The following NUP214 variants were observed in gnomAD, a reference collection of about 807,000 sequenced individuals.
NUP214 encodes nuclear pore complex protein Nup214.
Under a neutral mutation model 196.2 loss-of-function variants are expected in NUP214, and 79 were observed. That is an observed-to-expected ratio of 0.40 (90% confidence interval 0.34 to 0.49). The LOEUF is 0.49. Ranked by LOEUF, NUP214 falls within the 20% of genes least tolerant of loss-of-function variation. The probability of loss-of-function intolerance (pLI) is 0.58; values close to 1 mark genes in which losing one functional copy is unlikely to be tolerated. For missense variants in NUP214, 2,468 were observed against 2,539.0 expected, an observed-to-expected ratio of 0.97 and a Z score of 0.60; for synonymous variants, 1,020 against 990.5, an observed-to-expected ratio of 1.03 and a Z score of -0.56.
At chr9:131,174,523 A>G (rs1055687769) in intron 22 of NUP214, among the ~76,000 whole-genome samples, 12 of 132,114 alleles carry the variant, frequency 9.1e-5, no homozygotes, top group African/African-American at 2.9e-4. Flanking sequence ...ATCTAGGCTC[A>G]CTGCAACATC....
chr9:131,130,137 G>GTTTTGTTTTTTTTTTTTTTTTTTT (rs1564176236), intron 4 of NUP214, among the ~76,000 whole-genome samples: 4 of 76,894 alleles, frequency 5.2e-5, no homozygotes, highest in Non-Finnish European at 6.9e-5. Flanking sequence ...TTCTGGTTTT[G>GTTTTGTTTTTTTTTTTTTTTTTTT]TTTTTTTTTT....
chr9:131,134,865 T>G (rs780704443), intron 7 of NUP214, 33 bp from the exon 8 acceptor site: 20 of 1,453,058 alleles, frequency 1.4e-5, no homozygotes, highest in Non-Finnish European at 1.9e-5. Flanking sequence ...AAATTGCACA[T>G]GAGAATTTTT....
At chr9:131,225,564 A>G (rs975143293) in intron 32 of NUP214, among the ~76,000 whole-genome samples, 4 of 152,250 alleles carry the variant, frequency 2.6e-5, no homozygotes, top group African/African-American at 7.2e-5. Context: ...TCTTTCAGAT[A>G]CATAAGATGA....
intron 7 of NUP214, among the ~76,000 whole-genome samples, chr9:131,133,968 AC>A (rs1458386827): frequency 2.0e-5 from 3 of 152,042 alleles, no homozygotes; most frequent in Admixed American, 1.3e-4. Flanking sequence ...TTTTTTAGAG[AC>A]AGAATCTCAC....
rs368794563 is a variant in NUP214, at chr9:131,163,899, A to G, written c.2753A>G (p.Asn918Ser). ...SFDSDLESLC[N>S]ALLKTTIESH... Reference sequence around the variant, plus strand: ...GACAGTGACCTGGAAAGCCTGTGCAATGCTTTGTTGAAAACCACCATAGAA... The same window carrying G: ...GACAGTGACCTGGAAAGCCTGTGCAGTGCTTTGTTGAAAACCACCATAGAA... The change falls in exon 20 of 36, where the codon AAT (asparagine) becomes AGT (serine). Residue 918 changes from asparagine (N) to serine (S), a missense_variant. Transcript: ENST00000359428. 1.2e-5 allele frequency: 19 copies of G among 1,614,020 alleles called. No individual in the cohort carries two copies. Among genetic ancestry groups the G allele is most frequent in the Non-Finnish European group, 1.5e-5 (18 of 1,180,038 alleles).
Position 131,198,699 on chromosome 9 carries a change from G to T in NUP214, c.5205G>T (p.Ser1735=). The part of the protein sequence containing the change: ...TFGQASVFGQ[S]ASSAASVFSF... ...GGCAGGCCTCAGTCTTTGGGCAGTC[G>T]GCGAGCAGTGCTGCAAGTGTCTTTT... is the stretch of plus-strand genomic sequence containing the variant. The change falls in exon 29 of 36, where the codon TCG becomes TCT. Residue 1735 remains serine (S), a synonymous_variant. Coordinates refer to ENST00000359428, the MANE Select transcript of NUP214 (RefSeq NM_005085.4). The T allele has an allele frequency of 1.2e-6, 2 of 1,614,184 alleles. No individual in the cohort carries two copies. The highest frequency in any genetic ancestry group is 2.2e-5 in the South Asian group (2 of 91,084).
chr9:131,185,147 A>G (rs895956066), intron 24 of NUP214, among the ~76,000 whole-genome samples: 1 of 152,244 alleles, frequency 6.6e-6, no homozygotes, highest in African/African-American at 2.4e-5. Flanking sequence ...GGAGGGATCA[A>G]TAGCAAAGGG....
At chr9:131,226,132 T>C (rs1002693091) in intron 32 of NUP214, among the ~76,000 whole-genome samples, 6 of 152,194 alleles carry the variant, frequency 3.9e-5, no homozygotes, top group Admixed American at 2.6e-4. Flanking sequence ...TCTCTAAGTC[T>C]CAGTTTCCTC....
rs113335988 is a variant in NUP214 at position 131,143,217 on chromosome 9, C to T, written c.1295-1063C>T. On this transcript the variant is annotated intron_variant, in intron 11 of 35. Coordinates refer to ENST00000359428, the MANE Select transcript of NUP214 (RefSeq NM_005085.4). Reference sequence around the variant, plus strand: ...AGCAACAGGGTCTCACTTTGTTCCCCAGGCTGGTCTCAAACTCCTGGACTC... The same window carrying T: ...AGCAACAGGGTCTCACTTTGTTCCCTAGGCTGGTCTCAAACTCCTGGACTC... Among the ~76,000 whole-genome samples the T allele has an allele frequency of 3.9e-3, 588 of 152,244 alleles. 5 individuals carry two copies. The highest frequency in any genetic ancestry group is 0.013 in the African/African-American group (556 of 41,550).
At chr9:131,156,202 G>A (rs1238546219) in intron 17 of NUP214, among the ~76,000 whole-genome samples, 1 of 147,680 alleles carries the variant, frequency 6.8e-6, no homozygotes, top group Non-Finnish European at 1.5e-5. Context: ...GCACGATCTC[G>A]GCTCACTGCA....
chr9:131,149,142 C>A (rs1417771890), intron 14 of NUP214, among the ~76,000 whole-genome samples: 1 of 136,118 alleles, frequency 7.3e-6, no homozygotes. Flanking sequence ...GTCCCTCTAA[C>A]CAACCCTTGT....
intron 30 of NUP214, among the ~76,000 whole-genome samples, chr9:131,203,097 C>T (rs1833984177): frequency 6.6e-6 from 1 of 151,944 alleles, no homozygotes. Context: ...AGGTGCCCAC[C>T]ACCGCACCCA....
At chr9:131,131,403 A>ACCC (rs1421442182) in intron 5 of NUP214, among the ~76,000 whole-genome samples, 1 of 152,164 alleles carries the variant, frequency 6.6e-6, no homozygotes, top group African/African-American at 2.4e-5. Flanking sequence ...GTTGCAAGGA[A>ACCC]CCCCCATATG....
intron 10 of NUP214, 99 bp from the exon 11 acceptor site, chr9:131,140,449 AG>A: frequency 1.1e-6 from 1 of 927,810 alleles, no homozygotes; most frequent in Non-Finnish European, 1.6e-6. Flanking sequence ...TATTCAGATG[AG>A]TCCCTTAAAC....
chr9:131,179,366 C>A (rs983832906), intron 24 of NUP214, among the ~76,000 whole-genome samples: 4 of 152,160 alleles, frequency 2.6e-5, no homozygotes, highest in African/African-American at 9.7e-5. Context: ...CTCCCGCTGC[C>A]CTGGGCAGGT....
chr9:131,163,748 C>T (rs921961118), intron 19 of NUP214, 122 bp from the exon 20 acceptor site: 9 of 714,498 alleles, frequency 1.3e-5, no homozygotes, highest in Non-Finnish European at 2.2e-5. Context: ...GGTCAGATGG[C>T]ATGTTTATAT....
At position 131,232,377 on chromosome 9, in the gene NUP214, T is replaced by G; in HGVS notation, c.6239+69T>G. The G allele has an allele frequency of 6.8e-7, 1 of 1,462,632 alleles. No homozygotes were observed. Among genetic ancestry groups the G allele is most frequent in the Non-Finnish European group, 9.6e-7 (1 of 1,041,676 alleles). The allele number at this position is 1,462,632 out of a possible 1,614,324, so 90.6% of individuals were successfully genotyped here. On this transcript the variant is annotated intron_variant, in intron 35 of 35. Coordinates refer to ENST00000359428, the MANE Select transcript of NUP214 (RefSeq NM_005085.4). This position sits in a 1 kb window ranked among gnomAD's most constrained non-coding sequence, Gnocchi z 5.1. ...AAATAAGGTTGGAAGTGTGTGGATC[T>G]TGCTGGATTTGTGCATTTTCTTTTC...
At position 131,234,282 on chromosome 9, in the gene NUP214, G is replaced by A; in HGVS notation, c.*795G>A. On this transcript the variant is annotated 3_prime_UTR_variant, in exon 36 of 36. Transcript: ENST00000359428. ...CTACCCAGTGTCTACTAACCACAGT[G>A]CAGATAGCCCTTGGGTAGACCCAGG... is the stretch of plus-strand genomic sequence containing the variant. 4.3e-6 allele frequency: 1 copy of A among 232,838 alleles called. No individual in the cohort carries two copies. The highest frequency in any genetic ancestry group is 1.8e-4 in the South Asian group (1 of 5,530). 14.4% of individuals were successfully genotyped at this position (232,838 alleles called of 1,614,324 possible).
At chr9:131,184,398 A>G (rs991952417) in intron 24 of NUP214, among the ~76,000 whole-genome samples, 38 of 150,518 alleles carry the variant, frequency 2.5e-4, no homozygotes, top group South Asian at 6.3e-4. Flanking sequence ...CAGTGGCACA[A>G]TCTTGGCTCA....
Sources: allele counts gnomAD v4.1 joint callset (sites outside exome capture counted in the v4.1 genomes callset), GRCh38; gene constraint gnomAD v4.1.1; non-coding constraint Gnocchi (gnomAD v3.1); transcripts MANE v1.5; gene names NCBI Gene and HGNC (gene_info 2026-07-23, HGNC 2026-07-21).